The following SPTA1 variants were observed in gnomAD, a reference collection of about 807,000 sequenced individuals.
The protein encoded by SPTA1 is spectrin alpha chain, erythrocytic 1.
SPTA1 carries 177 observed loss-of-function variants against 324.7 expected under a neutral mutation model. That is an observed-to-expected ratio of 0.55 (90% CI 0.48 to 0.62). The LOEUF (loss-of-function observed/expected upper bound fraction) is 0.62. SPTA1 is among the 20% of genes least tolerant of loss of function. The probability of loss-of-function intolerance (pLI) is 0.00; values close to 1 mark genes in which losing one functional copy is unlikely to be tolerated. For missense variants in SPTA1, 3,162 were observed against 2,883.6 expected, an observed-to-expected ratio of 1.10 and a Z score of -2.21; for synonymous variants, 1,195 against 1,041.3, an observed-to-expected ratio of 1.15 and a Z score of -2.84.
At chr1:158,640,054 G>T (rs1269434090) in intron 33 of SPTA1, 47 bp from the exon 34 acceptor site, 6 of 1,613,314 alleles carry the variant, frequency 3.7e-6, no homozygotes, top group Non-Finnish European at 5.1e-6. Context: ...AGGATCCCGG[G>T]CCCTGTGACT....
intron 29 of SPTA1, 148 bp from the exon 30 acceptor site, chr1:158,644,544 G>T: frequency 1.1e-6 from 1 of 914,040 alleles, no homozygotes; most frequent in Non-Finnish European, 1.7e-6. Flanking sequence ...AATCTTAGCT[G>T]TACTGGAACT....
chr1:158,635,587 A>T (rs1571410393), intron 38 of SPTA1, among the ~76,000 whole-genome samples: 1 of 152,236 alleles, frequency 6.6e-6, no homozygotes, highest in East Asian at 1.9e-4. Flanking sequence ...GGCTGATTAT[A>T]ATATGAAAAC....
At chr1:158,668,178 A>T in intron 14 of SPTA1, 116 bp from the exon 15 acceptor site, 1 of 1,165,658 alleles carries the variant, frequency 8.6e-7, no homozygotes, top group Non-Finnish European at 1.2e-6. Flanking sequence ...TAACAAGAAG[A>T]TAAAAGGGGG....
intron 39 of SPTA1, among the ~76,000 whole-genome samples, chr1:158,632,419 TAA>T (rs1363186409): frequency 6.6e-6 from 1 of 152,214 alleles, no homozygotes; most frequent in African/African-American, 2.4e-5. Context: ...ATAAATGTAT[TAA>T]GAGAGTAGAT....
At chr1:158,614,490 A>C in intron 48 of SPTA1, 184 bp from the exon 49 acceptor site, 1 of 558,536 alleles carries the variant, frequency 1.8e-6, no homozygotes, top group Non-Finnish European at 3.2e-6. Flanking sequence ...TGTACAGTCC[A>C]TGAGCCAAGA....
At chr1:158,678,922 G>C (rs1329473396) in intron 5 of SPTA1, among the ~76,000 whole-genome samples, 1 of 152,068 alleles carries the variant, frequency 6.6e-6, no homozygotes, top group Non-Finnish European at 1.5e-5. Context: ...CTAGTGCTGT[G>C]GGTCTTAACT....
Position 158,620,475 on chromosome 1 carries a change from A to AG in SPTA1, c.6121-10dup. On this transcript the variant is annotated splice_polypyrimidine_tract_variant and intron_variant, in intron 43 of 51. Transcript: ENST00000643759. ...ACGAACAGGTCCTCAGCCTGCAGAG[A>AG]GAAAAAAAAGACACTACCATCTTTC... 1 of 1,612,442 alleles carries AG rather than the reference A, an allele frequency of 6.2e-7. No individual in the cohort carries two copies. Among genetic ancestry groups the AG allele is most frequent in the East Asian group, 2.2e-5 (1 of 44,868 alleles).
At position 158,647,573 on chromosome 1, in the gene SPTA1, C is replaced by T; in HGVS notation, c.3862G>A (p.Ala1288Thr). Residue 1288 changes from alanine to threonine, a missense_variant, in exon 27 of 52, where the codon GCC (alanine) becomes ACC (threonine). Physicochemically the swap from Ala to Thr is moderately conservative, Grantham distance 58 (BLOSUM62 0). Coordinates refer to ENST00000643759, the MANE Select transcript of SPTA1 (RefSeq NM_003126.4). ...TKDRKESLNE[A>T]QKFYLFLSKA... is the part of the protein sequence containing the mutation. ...CTGAGGAACAGGTAGAATTTCTGGG[C>T]CTCATTTAGGCTCTCCTTACGATCC... The T allele has an allele frequency of 6.2e-7, 1 of 1,613,688 alleles. No individual in the cohort carries two copies. The highest frequency in any genetic ancestry group is 8.5e-7 in the Non-Finnish European group (1 of 1,179,878).
rs1200762802 is a variant in SPTA1 at position 158,657,591 on chromosome 1, G to T, written c.2691C>A (p.Ala897=). Residue 897 remains alanine (A), a synonymous_variant, in exon 19 of 52, where the codon GCC becomes GCA. Coordinates refer to ENST00000643759, the MANE Select transcript of SPTA1 (RefSeq NM_003126.4). The part of the protein sequence containing the change: ...RAARRQNDLE[A]NVQFQQYLAD... ...CCAGGTACTGCTGGAACTGGACATT[G>T]GCTTCAAGATCATTTTGTCGCCTAG... 17 of 1,613,766 alleles carry T rather than the reference G, an allele frequency of 1.1e-5. No individual in the cohort carries two copies. The highest frequency in any genetic ancestry group is 1.4e-5 in the Non-Finnish European group (17 of 1,179,960).
intron 1 of SPTA1, among the ~76,000 whole-genome samples, chr1:158,685,596 T>C (rs2101960001): frequency 6.6e-6 from 1 of 152,236 alleles, no homozygotes; most frequent in East Asian, 1.9e-4. Context: ...GTGCTAGCAT[T>C]TAAGTTCTAT....
At chr1:158,684,116 A>T (rs1655008583) in intron 2 of SPTA1, among the ~76,000 whole-genome samples, 1 of 151,606 alleles carries the variant, frequency 6.6e-6, no homozygotes, top group Non-Finnish European at 1.5e-5. Flanking sequence ...AACTCTGGTT[A>T]ACTCATCTCT....
At chr1:158,665,520 G>T (rs982781556) in intron 16 of SPTA1, among the ~76,000 whole-genome samples, 2 of 152,136 alleles carry the variant, frequency 1.3e-5, no homozygotes, top group Admixed American at 1.3e-4. Context: ...AATTGAATGG[G>T]CTGGAAGTGG....
rs374235146 is a variant in SPTA1 at position 158,611,250 on chromosome 1, C to A, written c.*14G>T. ...CGACACTAAGATTTTCTACGATCCA[C>A]GAGGAGCTGCTTATTAGTTGCCAAA... On this transcript the variant is annotated 3_prime_UTR_variant, in exon 52 of 52. Coordinates refer to ENST00000643759, the MANE Select transcript of SPTA1 (RefSeq NM_003126.4). 9 of 1,613,174 alleles carry A rather than the reference C, an allele frequency of 5.6e-6. No individual in the cohort carries two copies. Among genetic ancestry groups the A allele is most frequent in the Non-Finnish European group, 5.9e-6 (7 of 1,179,450 alleles).
At chr1:158,646,857 T>C (rs933509014) in intron 27 of SPTA1, among the ~76,000 whole-genome samples, 1 of 152,206 alleles carries the variant, frequency 6.6e-6, no homozygotes, top group African/African-American at 2.4e-5. Context: ...ACTGATGCGA[T>C]AGAGCCAAAC....
chr1:158,611,166 CG>C lies in SPTA1; in HGVS notation c.*97del, dbSNP rs1488714505. Reference sequence around the variant, plus strand: ...ACACACACACACACACACACACACACGAGGCCATCTTTATCTTCCACATTTG... The same window carrying C: ...ACACACACACACACACACACACACACAGGCCATCTTTATCTTCCACATTTG... On this transcript the variant is annotated 3_prime_UTR_variant, in exon 52 of 52. Transcript: ENST00000643759. The C allele has an allele frequency of 3.6e-6, 5 of 1,387,616 alleles. No individual in the cohort carries two copies. Among genetic ancestry groups the C allele is most frequent in the Non-Finnish European group, 4.0e-6 (4 of 989,760 alleles). The allele number at this position is 1,387,616 out of a possible 1,614,324, so 86.0% of individuals were successfully genotyped here.
chr1:158,644,420 G>T (rs1477047242), intron 29 of SPTA1, 24 bp from the exon 30 acceptor site: 1 of 1,613,344 alleles, frequency 6.2e-7, no homozygotes, highest in African/African-American at 1.3e-5. Context: ...AATGAGAGGG[G>T]TATGGTATAG....
At position 158,651,474 on chromosome 1, in the gene SPTA1, T is replaced by C. The variant is rs564971243; in HGVS notation, c.3376-6A>G. The C allele has an allele frequency of 5.0e-6, 8 of 1,591,416 alleles. No individual in the cohort carries two copies. The East Asian group carries it at 1.8e-4, about 36-fold the overall frequency. On this transcript the variant is annotated splice_region_variant and splice_polypyrimidine_tract_variant and intron_variant, in intron 23 of 51. Coordinates refer to ENST00000643759, the MANE Select transcript of SPTA1 (RefSeq NM_003126.4). ...GGCTCATTGGTATTCAAATCCTGAA[T>C]GGGAAAATTCATCCAAAGCAGTGTA...
In SPTA1 at chr1:158,635,999, C is replaced by T. The variant is rs1030917662; in HGVS notation, c.5346G>A (p.Lys1782=). The T allele has an allele frequency of 1.2e-6, 2 of 1,614,066 alleles. No individual in the cohort carries two copies. The highest frequency in any genetic ancestry group is 2.7e-5 in the African/African-American group (2 of 74,928). The change falls in exon 38 of 52, where the codon AAG becomes AAA. Residue 1782 remains lysine (K), a synonymous_variant. Coordinates refer to ENST00000643759, the MANE Select transcript of SPTA1 (RefSeq NM_003126.4). ...VLDMAEKLKD[K]AAVGQEEIQL... is the part of the protein sequence containing the mutation. ...GGATCTCCTCTTGCCCCACAGCAGC[C>T]TTGTCTTTCAGCTTCTCTGCCATAT...
At chr1:158,670,441 A>C (rs1557981802) in intron 12 of SPTA1, among the ~76,000 whole-genome samples, 2 of 152,262 alleles carry the variant, frequency 1.3e-5, no homozygotes, top group Admixed American at 6.5e-5. Flanking sequence ...CACACATATC[A>C]ATTAATGAGG....
Sources: gnomAD v4.1 joint callset for allele counts (sites outside exome capture counted in the v4.1 genomes callset) on GRCh38, gnomAD v4.1.1 for gene constraint, MANE v1.5 for transcripts, NCBI Gene and HGNC (gene_info 2026-07-23, HGNC 2026-07-21) for gene names.